FRAS1: variants seen among roughly 807,000 people sequenced by gnomAD.
FRAS1 encodes extracellular matrix organizing protein FRAS1.
Under a neutral mutation model 435.2 loss-of-function variants are expected in FRAS1, and 290 were observed. The ratio of observed to expected loss-of-function variants is 0.67; its 90% CI spans 0.61 to 0.73. The LOEUF is 0.73. FRAS1 is among the 30% of genes least tolerant of loss of function. The pLI, the probability that FRAS1 is intolerant of heterozygous loss-of-function variation, is 0.00. For synonymous variants in FRAS1, 1,800 were observed against 1,851.0 expected (o/e 0.97, Z 0.71); for missense variants, 4,860 against 5,001.5 (o/e 0.97, Z 0.85).
At chr4:78,470,413 G>C (rs1475842964) in intron 51 of FRAS1, among the ~76,000 whole-genome samples, 3 of 152,142 alleles carry the variant, frequency 2.0e-5, no homozygotes, top group Admixed American at 1.3e-4. Context: ...TGAGCACTTA[G>C]AGATGTGGAT....
intron 9 of FRAS1, among the ~76,000 whole-genome samples, chr4:78,272,002 C>T (rs1194414982): frequency 6.6e-6 from 1 of 152,220 alleles, no homozygotes; most frequent in Non-Finnish European, 1.5e-5. Context: ...TTAAAGATTG[C>T]CATTCTAACT....
At chr4:78,467,824 G>A (rs1009052616) in intron 50 of FRAS1, among the ~76,000 whole-genome samples, 8 of 152,180 alleles carry the variant, frequency 5.3e-5, no homozygotes, top group African/African-American at 1.9e-4. Flanking sequence ...CTGATGATCA[G>A]TGATATTGAG....
chr4:78,180,993 C>G, intron 2 of FRAS1: 2 of 1,610,244 alleles, frequency 1.2e-6, no homozygotes, highest in Non-Finnish European at 1.7e-6. Flanking sequence ...CCTGCCGCCA[C>G]GTCCTGGGCG....
At chr4:78,506,196 C>T (rs1398770872) in intron 61 of FRAS1, among the ~76,000 whole-genome samples, 1 of 152,250 alleles carries the variant, frequency 6.6e-6, no homozygotes, top group Non-Finnish European at 1.5e-5. Flanking sequence ...AGTTAGGCTA[C>T]ACAGGGGTCA....
chr4:78,239,578 T>C (rs1724915083), intron 3 of FRAS1, among the ~76,000 whole-genome samples: 1 of 152,198 alleles, frequency 6.6e-6, no homozygotes, highest in Admixed American at 6.5e-5. Context: ...CTTCTCTTCT[T>C]ACTCAAAGTA....
chr4:78,481,091 A>G (rs1304298110), intron 56 of FRAS1, among the ~76,000 whole-genome samples: 2 of 152,240 alleles, frequency 1.3e-5, no homozygotes, highest in Non-Finnish European at 2.9e-5. Context: ...CCCAGCCATA[A>G]CTACATTGCA....
At chr4:78,476,219 A>T (rs1393351138) in intron 54 of FRAS1, among the ~76,000 whole-genome samples, 1 of 152,186 alleles carries the variant, frequency 6.6e-6, no homozygotes, top group Non-Finnish European at 1.5e-5. Context: ...TGTTAGGTAT[A>T]AATTGTCTTA....
chr4:78,506,342 G>A (rs1160101571), intron 61 of FRAS1, among the ~76,000 whole-genome samples: 1 of 152,232 alleles, frequency 6.6e-6, no homozygotes, highest in Non-Finnish European at 1.5e-5. Flanking sequence ...GTTCAGCTAT[G>A]CCCTGCCCAC....
Position 78,373,998 on chromosome 4 carries a change from G to A in FRAS1, c.3011-113G>A, listed in dbSNP as rs188119813. The stretch of plus-strand genomic sequence containing the variant: ...TCCTTGACTCTTCATATGGTCCTTT[G>A]CCCAGTACACTAGGCTGTACTGCTG... On this transcript the variant is annotated intron_variant, in intron 24 of 73. Transcript: ENST00000512123. The A allele has an allele frequency of 4.3e-4, 423 of 979,738 alleles. 3 individuals are homozygous for A. The African/African-American group carries it at 5.6e-3, about 13-fold the overall frequency. The allele number at this position is 979,738 out of a possible 1,614,324, so 60.7% of individuals were successfully genotyped here.
chr4:78,166,843 A>C (rs1479243831), intron 2 of FRAS1, among the ~76,000 whole-genome samples: 1 of 152,112 alleles, frequency 6.6e-6, no homozygotes, highest in African/African-American at 2.4e-5. Context: ...GTAAACCCCT[A>C]GTACATGCTC....
intron 4 of FRAS1, among the ~76,000 whole-genome samples, chr4:78,250,037 A>G (rs1011550106): frequency 2.0e-5 from 3 of 152,052 alleles, no homozygotes; most frequent in Non-Finnish European, 4.4e-5. Context: ...TATGTAGTCA[A>G]ATATATATAA....
chr4:78,474,177 C>G (rs1490074146), intron 53 of FRAS1, among the ~76,000 whole-genome samples: 1 of 152,158 alleles, frequency 6.6e-6, no homozygotes, highest in African/African-American at 2.4e-5. Flanking sequence ...ATCTGTAGGG[C>G]TAAATGCATG....
At chr4:78,440,317 C>T (rs1734610249) in intron 40 of FRAS1, among the ~76,000 whole-genome samples, 1 of 152,120 alleles carries the variant, frequency 6.6e-6, no homozygotes, top group Non-Finnish European at 1.5e-5. Context: ...CAGGCGTGAG[C>T]CACCGGGCCC....
intron 1 of FRAS1, 69 bp from the exon 2 acceptor site, chr4:78,065,916 G>A: frequency 8.5e-7 from 1 of 1,180,074 alleles, no homozygotes; most frequent in South Asian, 1.3e-5. Flanking sequence ...TTAGCAGCAA[G>A]CTTGCTGGGG....
rs1354517468 is a variant in FRAS1, at chr4:78,513,509, C to G, written c.10131C>G (p.Val3377=). ...AGTCCATCTACAGACACCAGCACGT[C>G]TGCTCCAATTTAGTTACCACCTATG... ...LSESIYRHQH[V]CSNLVTTYDL... Residue 3377 remains valine, a synonymous_variant, in exon 65 of 74, where the codon GTC becomes GTG. Transcript: ENST00000512123. 6.2e-7 allele frequency: 1 copy of G among 1,613,802 alleles called. No individual in the cohort carries two copies. Among genetic ancestry groups the G allele is most frequent in the South Asian group, 1.1e-5 (1 of 91,084 alleles).
intron 10 of FRAS1, among the ~76,000 whole-genome samples, chr4:78,280,911 G>GTCATCC (rs1457202348): frequency 1.3e-5 from 2 of 152,104 alleles, no homozygotes; most frequent in Non-Finnish European, 2.9e-5. Flanking sequence ...TCACACTTTA[G>GTCATCC]TCATCCTCAT....
intron 38 of FRAS1, among the ~76,000 whole-genome samples, chr4:78,436,860 A>T (rs1056813122): frequency 6.6e-6 from 1 of 152,228 alleles, no homozygotes; most frequent in Non-Finnish European, 1.5e-5. Flanking sequence ...GACAGGAAGA[A>T]GGGCCACATA....
Position 78,366,927 on chromosome 4 carries a change from G to A in FRAS1, c.2722+2873G>A, listed in dbSNP as rs777757955. On this transcript the variant is annotated intron_variant, in intron 22 of 73. Coordinates refer to ENST00000512123, the MANE Select transcript of FRAS1 (RefSeq NM_025074.7). ...GGTCAGCCATTTACTCATTACTTTG[G>A]AAAGGGATAAGAGGAAGAAGTCATG... is the stretch of plus-strand genomic sequence containing the variant. Among the ~76,000 whole-genome samples, 76 of 152,186 alleles carry A rather than the reference G, an allele frequency of 5.0e-4. 1 individual carries two copies. The highest frequency in any genetic ancestry group is 2.1e-4 in the Non-Finnish European group (14 of 68,034).
chr4:78,083,395 T>C (rs1560511878), intron 2 of FRAS1, among the ~76,000 whole-genome samples: 1 of 152,142 alleles, frequency 6.6e-6, no homozygotes, highest in Non-Finnish European at 1.5e-5. Context: ...TAGTTTTATC[T>C]GGTGTTGTGG....
Sources: allele counts gnomAD v4.1 joint callset (sites outside exome capture counted in the v4.1 genomes callset), GRCh38; gene constraint gnomAD v4.1.1; transcripts MANE v1.5; gene names NCBI Gene and HGNC (gene_info 2026-07-23, HGNC 2026-07-21).